ZC2HC1B: variants seen among roughly 807,000 people sequenced by gnomAD.
ZC2HC1B encodes zinc finger C2HC-type containing 1B.
A neutral mutation model predicts 31.0 loss-of-function variants in ZC2HC1B; 36 were observed. The observed-to-expected ratio is 1.16, with a 90% CI of 0.89 to 1.54. The LOEUF is 1.54. Among genes scored for constraint, ZC2HC1B ranks in the 40% most tolerant of loss-of-function variants. The probability of loss-of-function intolerance (pLI) is 0.00; values close to 1 mark genes in which losing one functional copy is unlikely to be tolerated. For missense variants in ZC2HC1B, 260 were observed against 268.6 expected, an observed-to-expected ratio of 0.97 and a Z score of 0.22; for synonymous variants, 73 against 88.0, an observed-to-expected ratio of 0.83 and a Z score of 0.95.
intron 6 of ZC2HC1B, among the ~76,000 whole-genome samples, chr6:143,925,247 C>T (rs955817089): frequency 1.3e-4 from 19 of 149,044 alleles, no homozygotes; most frequent in African/African-American, 4.7e-4. Context: ...GCGATCTCCC[C>T]TCACTGCAAG....
At chr6:143,914,229 T>A (rs923622106) in intron 6 of ZC2HC1B, among the ~76,000 whole-genome samples, 1 of 152,200 alleles carries the variant, frequency 6.6e-6, no homozygotes, top group African/African-American at 2.4e-5. Flanking sequence ...TAGGTGTAAA[T>A]TCCCCCTTAG....
At position 143,875,795 on chromosome 6, in the gene ZC2HC1B, G is replaced by C. The variant is rs747721456; in HGVS notation, c.29-8509G>C. ...ATCTTGCCTGGCAACTGTCTCAGGG[G>C]AGGCCATCACTGTTGCCTCAGGCAG... is the stretch of plus-strand genomic sequence containing the variant. On this transcript the variant is annotated intron_variant, in intron 1 of 7. Coordinates refer to ENST00000237275, the MANE Select transcript of ZC2HC1B (RefSeq NM_001013623.3). Among the ~76,000 whole-genome samples, 28 of 150,648 alleles carry C rather than the reference G, an allele frequency of 1.9e-4. 1 individual carries two copies. Among genetic ancestry groups the C allele is most frequent in the Admixed American group, 5.9e-4 (9 of 15,194 alleles).
At position 143,917,522 on chromosome 6, in the gene ZC2HC1B, A is replaced by T. The variant is rs1278161734; in HGVS notation, c.598+14370A>T. ...TTATTCCAGCTTATCTTCATAACAT[A>T]CAATAACTGCTCCTTCAGCAATGTC... On this transcript the variant is annotated intron_variant, in intron 6 of 7. Coordinates refer to ENST00000237275, the MANE Select transcript of ZC2HC1B (RefSeq NM_001013623.3). The surrounding 1 kb of genome is among the most constrained non-coding windows in gnomAD (Gnocchi z 4.1). Among the ~76,000 whole-genome samples, 1 of 152,224 alleles carries T rather than the reference A, an allele frequency of 6.6e-6. No homozygotes were observed. The highest frequency in any genetic ancestry group is 1.5e-5 in the Non-Finnish European group (1 of 68,044).
rs572418279 is a variant in ZC2HC1B, at chr6:143,933,014, G to A, written c.599-4635G>A. Among the ~76,000 whole-genome samples the A allele has an allele frequency of 3.9e-5, 6 of 152,212 alleles. No homozygotes were observed. The highest frequency in any genetic ancestry group is 1.3e-4 in the Admixed American group (2 of 15,280). ...CAATTTGTCTTCGGGTCTACCAGCC[G>A]TGGATACCAGCACCTGTTCTGATGG... On this transcript the variant is annotated intron_variant, in intron 6 of 7. Coordinates refer to ENST00000237275, the MANE Select transcript of ZC2HC1B (RefSeq NM_001013623.3). This position sits in a 1 kb window ranked among gnomAD's most constrained non-coding sequence, Gnocchi z 6.4.
At chr6:143,902,673 A>C (rs73000536) in intron 5 of ZC2HC1B, among the ~76,000 whole-genome samples, 5 of 152,368 alleles carry the variant, frequency 3.3e-5, no homozygotes, top group Non-Finnish European at 7.3e-5. Flanking sequence ...TAAAAAAAAC[A>C]AAATAGTCTT....
rs941740525 is a variant in ZC2HC1B, at chr6:143,872,775, A to G, written c.28+8208A>G. Among the ~76,000 whole-genome samples the G allele has an allele frequency of 1.3e-5, 2 of 152,194 alleles. No individual in the cohort carries two copies. Among genetic ancestry groups the G allele is most frequent in the Admixed American group, 1.3e-4 (2 of 15,280 alleles). The stretch of plus-strand genomic sequence containing the variant: ...GATCTCATGAGACTCAATCACTATC[A>G]TAAGAATAGCATGGGAAAGACCGGC... On this transcript the variant is annotated intron_variant, in intron 1 of 7. Coordinates refer to ENST00000237275, the MANE Select transcript of ZC2HC1B (RefSeq NM_001013623.3). This position sits in a 1 kb window ranked among gnomAD's most constrained non-coding sequence, Gnocchi z 5.5.
At chr6:143,904,404 C>T (rs1457123474) in intron 6 of ZC2HC1B, among the ~76,000 whole-genome samples, 1 of 152,006 alleles carries the variant, frequency 6.6e-6, no homozygotes, top group South Asian at 2.1e-4. Flanking sequence ...CTCTGTTGCC[C>T]AGGCTGGAGT....
intron 6 of ZC2HC1B, among the ~76,000 whole-genome samples, chr6:143,935,882 T>C (rs943388848): frequency 6.6e-6 from 1 of 152,104 alleles, no homozygotes; most frequent in Non-Finnish European, 1.5e-5. Context: ...ACTCCTAGGC[T>C]CAAGCAATCC....
intron 1 of ZC2HC1B, among the ~76,000 whole-genome samples, chr6:143,874,069 T>G (rs1389097013): frequency 6.6e-6 from 1 of 152,244 alleles, no homozygotes; most frequent in African/African-American, 2.4e-5. Flanking sequence ...CAAGTCACCT[T>G]TTGATGCTTT....
chr6:143,890,273 G>T (rs1430443813), intron 4 of ZC2HC1B, among the ~76,000 whole-genome samples: 1 of 151,260 alleles, frequency 6.6e-6, no homozygotes, highest in Non-Finnish European at 1.5e-5. Flanking sequence ...CCTAAATTAG[G>T]TCAAAAGAAG....
chr6:143,928,908 A>G (rs927660989), intron 6 of ZC2HC1B, among the ~76,000 whole-genome samples: 8 of 149,764 alleles, frequency 5.3e-5, no homozygotes, highest in Middle Eastern at 6.5e-3. Flanking sequence ...TTATTGCTGT[A>G]TAGAAATGCT....
intron 6 of ZC2HC1B, 115 bp from the exon 7 acceptor site, chr6:143,937,534 A>AT (rs1778193247): frequency 4.4e-6 from 3 of 688,628 alleles, no homozygotes; most frequent in Non-Finnish European, 5.9e-6. Context: ...ACCTCCCACC[A>AT]AAAAAAAGGA....
Position 143,883,735 on chromosome 6 carries a change from A to T in ZC2HC1B, c.29-569A>T, listed in dbSNP as rs1215047682. The stretch of plus-strand genomic sequence containing the variant: ...CTTTTTTTCTGTGCTGGTCCCATGT[A>T]TGATTTCTCCCAATATTTCCACAGA... On this transcript the variant is annotated intron_variant, in intron 1 of 7. Coordinates refer to ENST00000237275, the MANE Select transcript of ZC2HC1B (RefSeq NM_001013623.3). The surrounding 1 kb of genome is among the most constrained non-coding windows in gnomAD (Gnocchi z 4.1). Among the ~76,000 whole-genome samples, 1 of 152,198 alleles carries T rather than the reference A, an allele frequency of 6.6e-6. No individual in the cohort carries two copies. The highest frequency in any genetic ancestry group is 2.4e-5 in the African/African-American group (1 of 41,454).
In ZC2HC1B at chr6:143,895,314, C is replaced by A. The variant is rs1244588072; in HGVS notation, c.350-3238C>A. 1.3e-5 allele frequency among the ~76,000 whole-genome samples: 2 copies of A among 152,136 alleles called. No homozygotes were observed. The highest frequency in any genetic ancestry group is 2.9e-5 in the Non-Finnish European group (2 of 68,034). On this transcript the variant is annotated intron_variant, in intron 4 of 7. Coordinates refer to ENST00000237275, the MANE Select transcript of ZC2HC1B (RefSeq NM_001013623.3). The surrounding 1 kb of genome is among the most constrained non-coding windows in gnomAD (Gnocchi z 4.8). The stretch of plus-strand genomic sequence containing the variant: ...AGTAGCTGGGATTACAGGCGCCCGC[C>A]ACCACGCCCAGCTGATTTCTGTATT...
rs1364550162 is a variant in ZC2HC1B, at chr6:143,905,450, T to A, written c.598+2298T>A. Among the ~76,000 whole-genome samples the A allele has an allele frequency of 6.6e-6, 1 of 152,178 alleles. No individual in the cohort carries two copies. Among genetic ancestry groups the A allele is most frequent in the African/African-American group, 2.4e-5 (1 of 41,460 alleles). ...AATTAATTTATTGCTTCTAATAAGT[T>A]TTTTGGTGATATCTTTAGGATTTTC... On this transcript the variant is annotated intron_variant, in intron 6 of 7. Coordinates refer to ENST00000237275, the MANE Select transcript of ZC2HC1B (RefSeq NM_001013623.3). This position sits in a 1 kb window ranked among gnomAD's most constrained non-coding sequence, Gnocchi z 4.2.
chr6:143,873,601 A>C (rs969575277), intron 1 of ZC2HC1B, among the ~76,000 whole-genome samples: 1 of 152,228 alleles, frequency 6.6e-6, no homozygotes, highest in Non-Finnish European at 1.5e-5. Context: ...TCTAGGGGGA[A>C]GTTCCCAAAC....
intron 6 of ZC2HC1B, among the ~76,000 whole-genome samples, chr6:143,909,260 G>A (rs1268862598): frequency 1.3e-5 from 2 of 152,040 alleles, no homozygotes; most frequent in Non-Finnish European, 2.9e-5. Context: ...GACAGGTTTT[G>A]GTGGTGGGCT....
intron 6 of ZC2HC1B, among the ~76,000 whole-genome samples, chr6:143,916,562 C>T (rs547832796): frequency 2.6e-5 from 4 of 152,332 alleles, no homozygotes; most frequent in South Asian, 2.1e-4. Context: ...CACCAGCCCA[C>T]GAAAGCAGCC....
intron 1 of ZC2HC1B, chr6:143,881,612 C>T (rs1383498967): frequency 6.7e-6 from 1 of 149,006 alleles, no homozygotes; most frequent in East Asian, 2.0e-4. Flanking sequence ...AGCAGTATTC[C>T]AGGCTATAGA....
Sources: gnomAD v4.1 joint callset for allele counts (sites outside exome capture counted in the v4.1 genomes callset) on GRCh38, gnomAD v4.1.1 for gene constraint, Gnocchi (gnomAD v3.1) non-coding constraint, MANE v1.5 for transcripts, NCBI Gene and HGNC (gene_info 2026-07-23, HGNC 2026-07-21) for gene names.